Variants in ADGB observed in about 807,000 individuals in gnomAD.
The protein encoded by ADGB is androglobin.
In ADGB, 172 loss-of-function variants were observed where a neutral mutation model predicts 210.5. That is an observed-to-expected ratio of 0.82 (90% CI 0.72 to 0.93). ADGB has a LOEUF of 0.93. Ranked by LOEUF, ADGB falls within the 40% of genes least tolerant of loss-of-function variation. The pLI is 0.00. For missense variants in ADGB, 2,025 were observed against 1,964.8 expected (o/e 1.03, Z -0.58); for synonymous variants, 658 against 662.7 (o/e 0.99, Z 0.11).
chr6:146,667,661 C>T (rs1775954338), intron 7 of ADGB, among the ~76,000 whole-genome samples: 1 of 152,012 alleles, frequency 6.6e-6, no homozygotes, highest in Non-Finnish European at 1.5e-5. Flanking sequence ...TATGGTAAAA[C>T]ATTTGCAAAC....
chr6:146,691,457 TAAAA>T (rs1211564310), intron 11 of ADGB, among the ~76,000 whole-genome samples, 167 bp downstream of exon 11: 9 of 40,970 alleles, frequency 2.2e-4, no homozygotes, highest in African/African-American at 2.2e-3. Flanking sequence ...TATATATATA[TAAAA>T]ATATATATAT....
chr6:146,626,705 C>G (rs1177023283), intron 1 of ADGB, among the ~76,000 whole-genome samples: 1 of 150,350 alleles, frequency 6.7e-6, no homozygotes, highest in African/African-American at 2.4e-5. Context: ...ATTTTTTTAC[C>G]ACTGTTTTTA....
intron 1 of ADGB, among the ~76,000 whole-genome samples, chr6:146,629,067 A>T (rs1451744980): frequency 6.6e-6 from 1 of 152,186 alleles, no homozygotes; most frequent in African/African-American, 2.4e-5. Context: ...AAAACATTCA[A>T]AAGTAATATA....
chr6:146,710,564 T>C (rs1776644079), intron 13 of ADGB, among the ~76,000 whole-genome samples: 2 of 152,164 alleles, frequency 1.3e-5, no homozygotes, highest in Admixed American at 1.3e-4. Context: ...TGATAGCTTA[T>C]GTGATGGTAT....
At chr6:146,618,143 C>T (rs925139789) in intron 1 of ADGB, among the ~76,000 whole-genome samples, 3 of 151,884 alleles carry the variant, frequency 2.0e-5, no homozygotes, top group African/African-American at 7.2e-5. Context: ...TCATAAAGGT[C>T]TCCATCATAA....
intron 1 of ADGB, among the ~76,000 whole-genome samples, chr6:146,634,319 G>C (rs1416744288): frequency 2.6e-5 from 4 of 152,096 alleles, no homozygotes; most frequent in Non-Finnish European, 5.9e-5. Context: ...ATCTTAGAAT[G>C]TATCCTTGTT....
intron 17 of ADGB, among the ~76,000 whole-genome samples, chr6:146,721,760 C>A (rs1776818933): frequency 6.6e-6 from 1 of 152,242 alleles, no homozygotes; most frequent in East Asian, 1.9e-4. Context: ...ATCCCTTGAA[C>A]CCAGGAGGCG....
chr6:146,750,079 T>C (rs1318649289), intron 26 of ADGB, among the ~76,000 whole-genome samples: 1 of 152,178 alleles, frequency 6.6e-6, no homozygotes, highest in East Asian at 1.9e-4. Flanking sequence ...GAGAGTTGTC[T>C]GCTTCCACTC....
At chr6:146,703,440 G>A (rs1488302874) in intron 13 of ADGB, among the ~76,000 whole-genome samples, 6 of 151,726 alleles carry the variant, frequency 4.0e-5, no homozygotes, top group Middle Eastern at 3.4e-3. Context: ...TATAGACCCC[G>A]TGTTGCAAAT....
At chr6:146,677,519 C>T (rs1240260763) in intron 9 of ADGB, among the ~76,000 whole-genome samples, 3 of 152,046 alleles carry the variant, frequency 2.0e-5, no homozygotes, top group Non-Finnish European at 2.9e-5. Context: ...TTTAATTCTA[C>T]ATTAAAAATC....
chr6:146,683,784 T>C (rs1776188408), intron 9 of ADGB, among the ~76,000 whole-genome samples: 1 of 152,088 alleles, frequency 6.6e-6, no homozygotes, highest in Non-Finnish European at 1.5e-5. Context: ...CAAACTTTAT[T>C]TTTAATATCA....
At chr6:146,599,251 A>G in intron 1 of ADGB, 137 bp downstream of exon 1, 2 of 778,206 alleles carry the variant, frequency 2.6e-6, no homozygotes, top group Non-Finnish European at 4.4e-6. Flanking sequence ...CTTCTCTGGT[A>G]AACCAGATCC....
chr6:146,651,281 A>G (rs1775696361), intron 3 of ADGB, among the ~76,000 whole-genome samples: 1 of 152,194 alleles, frequency 6.6e-6, no homozygotes, highest in South Asian at 2.1e-4. Context: ...TGCTCCACTC[A>G]TTGGAAACTA....
Position 146,733,996 on chromosome 6 carries a change from T to A in ADGB, c.2760T>A (p.Thr920=), listed in dbSNP as rs1562286897. 5 of 1,551,564 alleles carry A rather than the reference T, an allele frequency of 3.2e-6. No individual in the cohort carries two copies. The highest frequency in any genetic ancestry group is 3.5e-6 in the Non-Finnish European group (4 of 1,146,902). ...AIKIQAMWRG[T]YVRLLMKARI... ...AAATTCAAGCCATGTGGAGAGGAACTTACGTTAGATTGCTTATGAAAGCCA... is the reference window on the plus strand; with the variant it reads ...AAATTCAAGCCATGTGGAGAGGAACATACGTTAGATTGCTTATGAAAGCCA... The change falls in exon 22 of 36, where the codon ACT becomes ACA. Residue 920 remains threonine, a synonymous_variant. Transcript: ENST00000397944.
chr6:146,654,607 C>G (rs1583576526), intron 4 of ADGB, among the ~76,000 whole-genome samples: 1 of 152,194 alleles, frequency 6.6e-6, no homozygotes, highest in East Asian at 1.9e-4. Flanking sequence ...CCCACACGGC[C>G]TCCCAAAGTG....
chr6:146,806,037 C>T (rs542601247), intron 35 of ADGB, among the ~76,000 whole-genome samples: 2 of 152,232 alleles, frequency 1.3e-5, no homozygotes, highest in East Asian at 3.9e-4. Context: ...ATTAATGAAT[C>T]AGTAAATCAA....
intron 1 of ADGB, among the ~76,000 whole-genome samples, chr6:146,610,412 C>G (rs1334134543): frequency 4.6e-5 from 7 of 152,124 alleles, no homozygotes; most frequent in Admixed American, 4.6e-4. Context: ...TAAGAAGACA[C>G]TTTGGCTTTT....
intron 19 of ADGB, among the ~76,000 whole-genome samples, chr6:146,727,521 G>A (rs530029420): frequency 2.0e-5 from 3 of 152,248 alleles, no homozygotes; most frequent in Non-Finnish European, 2.9e-5. Flanking sequence ...GGTATACATT[G>A]TCAGTTTGTT....
rs1041385508 is a variant in ADGB at position 146,785,727 on chromosome 6, C to T, written c.4315+15C>T. On this transcript the variant is annotated intron_variant, in intron 32 of 35. Coordinates refer to ENST00000397944, the MANE Select transcript of ADGB (RefSeq NM_024694.4). ...AAAAGAAGAAGGTGAGTGGATCCTA[C>T]CACCCCAGCTGCCTCAGAGCACAGA... The T allele has an allele frequency of 1.4e-5, 21 of 1,519,332 alleles. No individual in the cohort carries two copies. Among genetic ancestry groups the T allele is most frequent in the Non-Finnish European group, 1.9e-5 (21 of 1,118,424 alleles). 94.1% of individuals were successfully genotyped at this position (1,519,332 alleles called of 1,614,324 possible). A position where few individuals can be genotyped will look rare whatever the true frequency, so the allele number is the denominator to read the frequency against.
Sources: gnomAD v4.1 joint callset for allele counts (sites outside exome capture counted in the v4.1 genomes callset) on GRCh38, gnomAD v4.1.1 for gene constraint, MANE v1.5 for transcripts, NCBI Gene and HGNC (gene_info 2026-07-23, HGNC 2026-07-21) for gene names.